The following CUX1 variants were observed in gnomAD, a reference collection of about 807,000 sequenced individuals.
CUX1 encodes protein CASP.
In CUX1, 31 loss-of-function variants were observed where a neutral mutation model predicts 158.8. The ratio of observed to expected loss-of-function variants is 0.20; its 90% CI spans 0.15 to 0.26. The LOEUF (loss-of-function observed/expected upper bound fraction) is 0.26, where lower values mean the gene tolerates loss of function less well. CUX1 is among the 10% of genes least tolerant of loss of function. The pLI, the probability that CUX1 is intolerant of heterozygous loss-of-function variation, is 1.00. For synonymous variants in CUX1, 879 were observed against 862.1 expected (o/e 1.02, Z -0.34); for missense variants, 1,589 against 2,014.6 (o/e 0.79, Z 4.04).
Position 102,201,631 on chromosome 7 carries a change from G to A in CUX1, c.2334G>A (p.Leu778=), listed in dbSNP as rs376823731. ...CTCCTGAGGCCGGTGCCTCTGCTCT[G>A]CCGAACCCCCCGGCCCTCAAAAAGG... ...SAAPEAGASA[L]PNPPALKKEA... Residue 778 remains leucine, a synonymous_variant, in exon 18 of 24, where the codon CTG becomes CTA. Transcript: ENST00000292535. The surrounding 1 kb of genome is among the most constrained non-coding windows in gnomAD (Gnocchi z 5.0). The A allele has an allele frequency of 6.2e-7, 1 of 1,613,720 alleles. No homozygotes were observed. The highest frequency in any genetic ancestry group is 8.5e-7 in the Non-Finnish European group (1 of 1,179,926).
intron 11 of CUX1, among the ~76,000 whole-genome samples, chr7:102,181,477 T>C (rs1554513982): frequency 6.6e-6 from 1 of 152,214 alleles, no homozygotes; most frequent in Non-Finnish European, 1.5e-5. Context: ...TTTTTTATTA[T>C]AGAGCAATTT....
At chr7:102,079,259 GA>G (rs1827098914) in intron 4 of CUX1, among the ~76,000 whole-genome samples, 1 of 152,102 alleles carries the variant, frequency 6.6e-6, no homozygotes, top group Non-Finnish European at 1.5e-5. Context: ...CAAACATGGT[GA>G]AACCCCGTCT....
Position 101,821,671 on chromosome 7 carries a change from CTTTTTTT to C in CUX1, c.30+4022_30+4028del, listed in dbSNP as rs58793343. Among the ~76,000 whole-genome samples the C allele has an allele frequency of 5.6e-3, 287 of 51,320 alleles. 2 individuals carry two copies. The highest frequency in any genetic ancestry group is 6.2e-3 in the Non-Finnish European group (189 of 30,390). 33.7% of individuals were successfully genotyped at this position (51,320 alleles called of 152,430 possible). ...CTTTTCTTTTCTTTTTTTCTTTTTTCTTTTTTTTTTTTTTTTTTTTTTTTTTGAGACG... is the reference window on the plus strand; with the variant it reads ...CTTTTCTTTTCTTTTTTTCTTTTTTCTTTTTTTTTTTTTTTTTTTGAGACG... On this transcript the variant is annotated intron_variant, in intron 1 of 23. Coordinates refer to ENST00000292535, the MANE Select transcript of CUX1 (RefSeq NM_181552.4).
intron 2 of CUX1, among the ~76,000 whole-genome samples, chr7:101,997,332 G>T (rs957470084): frequency 4.8e-4 from 73 of 152,074 alleles, no homozygotes; most frequent in African/African-American, 1.7e-3. Context: ...TTGTTTTTTT[G>T]TTTGTTTGTT....
intron 20 of CUX1, among the ~76,000 whole-genome samples, chr7:102,214,234 A>G (rs1256493678): frequency 6.6e-6 from 1 of 152,024 alleles, no homozygotes; most frequent in Non-Finnish European, 1.5e-5. Flanking sequence ...AATCAAGAAG[A>G]AGGTGGTGGC....
At chr7:102,005,701 G>T (rs1817270948) in intron 2 of CUX1, among the ~76,000 whole-genome samples, 1 of 152,106 alleles carries the variant, frequency 6.6e-6, no homozygotes, top group Non-Finnish European at 1.5e-5. Context: ...CTGATGCTGG[G>T]TTCCCCTCCT....
Position 102,057,488 on chromosome 7 carries a change from C to A in CUX1, c.190-12851C>A, listed in dbSNP as rs377395193. On this transcript the variant is annotated intron_variant, in intron 3 of 23. Transcript: ENST00000292535. Reference sequence around the variant, plus strand: ...TCACCATTTTAGATTCCATGAAGAACATTTGTGATTCATGGGAGGGGGTTG... The same window carrying A: ...TCACCATTTTAGATTCCATGAAGAAAATTTGTGATTCATGGGAGGGGGTTG... Among the ~76,000 whole-genome samples the A allele has an allele frequency of 4.7e-4, 72 of 152,200 alleles. 1 individual carries two copies. Among genetic ancestry groups the A allele is most frequent in the African/African-American group, 1.6e-3 (66 of 41,526 alleles).
At chr7:102,199,145 C>T (rs148369103) in intron 16 of CUX1, among the ~76,000 whole-genome samples, 2 of 152,144 alleles carry the variant, frequency 1.3e-5, no homozygotes, top group South Asian at 2.1e-4. Flanking sequence ...CCTAATTACC[C>T]GGTCCCCCGT....
In CUX1 at chr7:102,234,079, T is replaced by C; in HGVS notation, c.3461T>C (p.Leu1154Ser). ...LGQRLFGETI[L>S]GLTQGSVSDL... is the part of the protein sequence containing the mutation. ...CAGCGCTTATTTGGGGAGACCATCTTAGGGCTCACCCAAGGCTCTGTCTCT... is the reference window on the plus strand; with the variant it reads ...CAGCGCTTATTTGGGGAGACCATCTCAGGGCTCACCCAAGGCTCTGTCTCT... Residue 1154 changes from leucine (L) to serine (S), a missense_variant, in exon 22 of 24, where the codon TTA (leucine) becomes TCA (serine). Transcript: ENST00000292535. 6.4e-7 allele frequency: 1 copy of C among 1,571,302 alleles called. No homozygotes were observed. Among genetic ancestry groups the C allele is most frequent in the Non-Finnish European group, 8.6e-7 (1 of 1,161,988 alleles).
chr7:102,132,966 C>T (rs1833491032), intron 8 of CUX1, among the ~76,000 whole-genome samples: 1 of 152,034 alleles, frequency 6.6e-6, no homozygotes. Context: ...CCACCGCACC[C>T]GGCCTTAATT....
intron 11 of CUX1, among the ~76,000 whole-genome samples, chr7:102,179,303 T>C (rs151042154): frequency 1.2e-4 from 18 of 152,302 alleles, no homozygotes; most frequent in African/African-American, 4.3e-4. Flanking sequence ...CCACCTCAGG[T>C]TGCCAAAGTG....
intron 2 of CUX1, among the ~76,000 whole-genome samples, chr7:101,982,877 C>A (rs964149384): frequency 5.2e-5 from 7 of 135,302 alleles, no homozygotes; most frequent in African/African-American, 1.9e-4. Flanking sequence ...CCCCCTCCCC[C>A]CACCCCATGA....
chr7:102,274,814 G>A (rs1791492316), intron 16 of CUX1, among the ~76,000 whole-genome samples: 1 of 152,234 alleles, frequency 6.6e-6, no homozygotes, highest in Non-Finnish European at 1.5e-5. Flanking sequence ...GGGTATTGAG[G>A]ACAGAAACTG....
At position 102,274,370 on chromosome 7, in the gene CUX1, C is replaced by A. The variant is rs191750214; in HGVS notation, c.1450+60C>A. Reference sequence around the variant, plus strand: ...AGGAGGGAAGAGGAGACAGGTGATACCGCCTGAGAACACAGATCCCCAAAG... The same window carrying A: ...AGGAGGGAAGAGGAGACAGGTGATAACGCCTGAGAACACAGATCCCCAAAG... On this transcript the variant is annotated intron_variant, in intron 16 of 22. Transcript: ENST00000292538. 66 of 1,455,110 alleles carry A rather than the reference C, an allele frequency of 4.5e-5. No homozygotes were observed. The East Asian group carries it at 1.2e-3, about 26-fold the overall frequency. 90.1% of individuals were successfully genotyped at this position (1,455,110 alleles called of 1,614,324 possible). A position where few individuals can be genotyped will look rare whatever the true frequency, so the allele number is the denominator to read the frequency against.
At chr7:102,150,337 G>A (rs1162826809) in intron 8 of CUX1, among the ~76,000 whole-genome samples, 2 of 152,108 alleles carry the variant, frequency 1.3e-5, no homozygotes, top group African/African-American at 4.8e-5. Flanking sequence ...TGTATTTTTA[G>A]TAGAGGCAGG....
In CUX1 at chr7:102,250,548, A is replaced by G; in HGVS notation, c.*1506A>G. 1.0e-6 allele frequency: 1 copy of G among 985,430 alleles called. No homozygotes were observed. Among genetic ancestry groups the G allele is most frequent in the Non-Finnish European group, 1.2e-6 (1 of 829,948 alleles). The allele number at this position is 985,430 out of a possible 1,614,324, so 61.0% of individuals were successfully genotyped here. A position where few individuals can be genotyped will look rare whatever the true frequency, so the allele number is the denominator to read the frequency against. ...ACTTCCTTTCTCTGCAGGAGAGAGA[A>G]CGTGGCATTCTGGGCTCCCCACTCC... On this transcript the variant is annotated 3_prime_UTR_variant, in exon 24 of 24. Coordinates refer to ENST00000292535, the MANE Select transcript of CUX1 (RefSeq NM_181552.4).
At chr7:102,226,241 T>C (rs1288763833) in intron 20 of CUX1, among the ~76,000 whole-genome samples, 2 of 152,206 alleles carry the variant, frequency 1.3e-5, no homozygotes, top group African/African-American at 4.8e-5. Context: ...GCCCAGTCAC[T>C]TCTGCTGTTG....
At chr7:101,848,188 A>G (rs1475988403) in intron 1 of CUX1, among the ~76,000 whole-genome samples, 1 of 151,626 alleles carries the variant, frequency 6.6e-6, no homozygotes, top group Non-Finnish European at 1.5e-5. Flanking sequence ...CTGGGTGTGT[A>G]TTGACGTTGT....
chr7:101,855,466 GATTTCACCTGA>G (rs1424349236), intron 1 of CUX1, among the ~76,000 whole-genome samples: 2 of 152,242 alleles, frequency 1.3e-5, no homozygotes, highest in African/African-American at 4.8e-5. Flanking sequence ...GGACAGGCAG[GATTTCACCTGA>G]ATTTACAAGA....
Sources: gnomAD v4.1 joint callset for allele counts (sites outside exome capture counted in the v4.1 genomes callset) on GRCh38, gnomAD v4.1.1 for gene constraint, Gnocchi (gnomAD v3.1) non-coding constraint, MANE v1.5 for transcripts, NCBI Gene and HGNC (gene_info 2026-07-23, HGNC 2026-07-21) for gene names.